TTL: variants seen among roughly 807,000 people sequenced by gnomAD.
TTL encodes tubulin tyrosine ligase, also known as tubulin--tyrosine ligase.
In TTL, 10 loss-of-function variants were observed where a neutral mutation model predicts 41.1. The ratio of observed to expected loss-of-function variants is 0.24; its 90% confidence interval spans 0.15 to 0.41. The LOEUF is 0.41. Ranked by LOEUF, TTL falls within the 10% of genes least tolerant of loss-of-function variation. The pLI is 1.00. For synonymous variants in TTL, 175 were observed against 175.5 expected (o/e 1.00, Z 0.02); for missense variants, 367 against 460.4 (o/e 0.80, Z 1.86).
Position 112,499,689 on chromosome 2 carries a change from C to A in TTL, c.470-1517C>A, listed in dbSNP as rs1408110358. Among the ~76,000 whole-genome samples, 7 of 152,278 alleles carry A rather than the reference C, an allele frequency of 4.6e-5. No individual in the cohort carries two copies. The East Asian group carries it at 1.4e-3, about 29-fold the overall frequency. ...CTCATTAGAGGATAAAAATGAGTTA[C>A]AAACTGGGTGAAAGGATTTTTAAGT... On this transcript the variant is annotated intron_variant, in intron 3 of 6. Coordinates refer to ENST00000233336, the MANE Select transcript of TTL (RefSeq NM_153712.5).
rs1682721639 is a variant in TTL, at chr2:112,541,137, A to C, written c.*12342A>C. 1 of 152,150 alleles carries C rather than the reference A, an allele frequency of 6.6e-6. No homozygotes were observed. Among genetic ancestry groups the C allele is most frequent in the South Asian group, 2.1e-4 (1 of 4,836 alleles). 9.4% of individuals were successfully genotyped at this position (152,150 alleles called of 1,614,324 possible). On this transcript the variant is annotated 3_prime_UTR_variant, in exon 7 of 7. Coordinates refer to ENST00000233336, the MANE Select transcript of TTL (RefSeq NM_153712.5). ...TAAATATGCTAATTATGTACCCATA[A>C]ATTTTTTTTTAAATCCTCATGACCT...
chr2:112,497,902 T>A (rs1218199713), intron 3 of TTL, among the ~76,000 whole-genome samples: 4 of 152,208 alleles, frequency 2.6e-5, no homozygotes, highest in East Asian at 3.8e-4. Context: ...AAAATGGTTA[T>A]AATAAGAAGT....
chr2:112,520,289 C>G lies in TTL; in HGVS notation c.883C>G (p.Leu295Val). The change falls in exon 6 of 7, where the codon CTC becomes GTC. Residue 295 changes from leucine to valine, a missense_variant. Coordinates refer to ENST00000233336, the MANE Select transcript of TTL (RefSeq NM_153712.5). Reference protein sequence around the residue: ...LQIKHIIRNCLLSVEPAISTK... With the variant: ...LQIKHIIRNCVLSVEPAISTK... ...TCCCCTCCTGCCTCATAGGAACTGC[C>G]TCCTGAGCGTGGAGCCTGCCATTAG... 2 of 1,614,176 alleles carry G rather than the reference C, an allele frequency of 1.2e-6. No homozygotes were observed. The highest frequency in any genetic ancestry group is 1.7e-6 in the Non-Finnish European group (2 of 1,180,004).
intron 6 of TTL, among the ~76,000 whole-genome samples, chr2:112,527,714 G>A (rs746692543): frequency 7.2e-5 from 11 of 152,224 alleles, no homozygotes; most frequent in Non-Finnish European, 1.5e-4. Context: ...GTCTCTGCAC[G>A]TGAGGTGGGT....
At chr2:112,519,550 GTTTT>G (rs34836273) in intron 5 of TTL, among the ~76,000 whole-genome samples, 22 of 110,512 alleles carry the variant, frequency 2.0e-4, no homozygotes, top group African/African-American at 2.1e-4. Context: ...AGGTCAACAT[GTTTT>G]TTTTTTTTTT....
chr2:112,509,670 G>C (rs1000820381), intron 5 of TTL, among the ~76,000 whole-genome samples: 1 of 152,136 alleles, frequency 6.6e-6, no homozygotes, highest in African/African-American at 2.4e-5. Flanking sequence ...GCCCTGCTTC[G>C]GCTCGCGCAC....
chr2:112,496,664 T>C (rs1384140965), intron 3 of TTL, among the ~76,000 whole-genome samples: 1 of 119,252 alleles, frequency 8.4e-6, no homozygotes, highest in East Asian at 2.5e-4. Flanking sequence ...TATATATGTG[T>C]CTGTGTGTGT....
chr2:112,501,067 G>C, intron 3 of TTL, 139 bp from the exon 4 acceptor site: 2 of 715,092 alleles, frequency 2.8e-6, no homozygotes, highest in East Asian at 6.5e-5. Context: ...GGGGACTGGA[G>C]TAAGGAAGGG....
intron 3 of TTL, among the ~76,000 whole-genome samples, chr2:112,500,238 CAAG>C (rs1681652824): frequency 6.7e-6 from 1 of 149,244 alleles, no homozygotes; most frequent in African/African-American, 2.5e-5. Flanking sequence ...CTAATAGGTA[CAAG>C]AGTTTTTTTG....
At chr2:112,484,947 T>A (rs1212288572) in intron 1 of TTL, among the ~76,000 whole-genome samples, 1 of 152,164 alleles carries the variant, frequency 6.6e-6, no homozygotes, top group African/African-American at 2.4e-5. Context: ...AACAAAACAT[T>A]TTTTATTTTA....
rs560536068 is a variant in TTL at position 112,497,543 on chromosome 2, A to G, written c.469+3168A>G. Among the ~76,000 whole-genome samples the G allele has an allele frequency of 5.9e-5, 9 of 152,142 alleles. No individual in the cohort carries two copies. In the East Asian group the frequency reaches 1.7e-3, roughly 29 times the overall value. ...AAAACGATACATAAAATTCAAATTT[A>G]TTTTATAATTTTTGATACTGTTGTA... On this transcript the variant is annotated intron_variant, in intron 3 of 6. Coordinates refer to ENST00000233336, the MANE Select transcript of TTL (RefSeq NM_153712.5).
intron 1 of TTL, among the ~76,000 whole-genome samples, chr2:112,484,533 G>A (rs1232740879): frequency 6.6e-6 from 1 of 152,024 alleles, no homozygotes; most frequent in African/African-American, 2.4e-5. Context: ...CCAAAGTGCT[G>A]GGATTACAGG....
At chr2:112,524,108 T>A (rs1475243283) in intron 6 of TTL, among the ~76,000 whole-genome samples, 1 of 152,210 alleles carries the variant, frequency 6.6e-6, no homozygotes, top group African/African-American at 2.4e-5. Context: ...TCCATGTCCC[T>A]ACAAAGGACA....
At chr2:112,486,500 G>A (rs570184916) in intron 2 of TTL, among the ~76,000 whole-genome samples, 1 of 152,220 alleles carries the variant, frequency 6.6e-6, no homozygotes, top group Non-Finnish European at 1.5e-5. Flanking sequence ...CCCCAGAGAA[G>A]GGCATATATA....
At chr2:112,501,050 G>T (rs1681679928) in intron 3 of TTL, among the ~76,000 whole-genome samples, 156 bp from the exon 4 acceptor site, 1 of 148,296 alleles carries the variant, frequency 6.7e-6, no homozygotes, top group Non-Finnish European at 1.5e-5. Flanking sequence ...GGAGAAGGGA[G>T]CATGTGGGGG....
At chr2:112,515,317 C>A (rs1392361053) in intron 5 of TTL, among the ~76,000 whole-genome samples, 1 of 152,148 alleles carries the variant, frequency 6.6e-6, no homozygotes, top group Non-Finnish European at 1.5e-5. Flanking sequence ...GAATATGCAA[C>A]AGAGGTGGTA....
intron 3 of TTL, among the ~76,000 whole-genome samples, chr2:112,499,094 C>G (rs775067102): frequency 6.6e-6 from 1 of 152,156 alleles, no homozygotes; most frequent in Non-Finnish European, 1.5e-5. Flanking sequence ...GGCTGAATCA[C>G]CTGAGGTCAG....
chr2:112,520,054 CAGG>C (rs1682177544), intron 5 of TTL, among the ~76,000 whole-genome samples: 1 of 148,362 alleles, frequency 6.7e-6, no homozygotes, highest in Admixed American at 6.9e-5. Context: ...CTCTTGAACC[CAGG>C]AGGCGGAGGT....
At chr2:112,494,971 TC>T (rs549656765) in intron 3 of TTL, among the ~76,000 whole-genome samples, 118 of 152,300 alleles carry the variant, frequency 7.7e-4, no homozygotes, top group African/African-American at 2.6e-3. Flanking sequence ...TCATGTTACT[TC>T]CTACTTAAGA....
Sources: allele counts gnomAD v4.1 joint callset (sites outside exome capture counted in the v4.1 genomes callset), GRCh38; gene constraint gnomAD v4.1.1; transcripts MANE v1.5; gene names NCBI Gene and HGNC (gene_info 2026-07-23, HGNC 2026-07-21).